The following UTP18 variants were observed in gnomAD, a reference collection of about 807,000 sequenced individuals.
UTP18 encodes the protein UTP18 small subunit processome component.
UTP18 carries 36 observed loss-of-function variants against 61.1 expected under a neutral mutation model. The observed-to-expected ratio is 0.59, with a 90% CI of 0.45 to 0.78. UTP18 has a LOEUF of 0.78. UTP18 is among the 30% of genes least tolerant of loss of function. UTP18 has a pLI of 0.00. For missense variants in UTP18, 753 were observed against 693.9 expected, an observed-to-expected ratio of 1.09 and a Z score of -0.96; for synonymous variants, 282 against 251.1, an observed-to-expected ratio of 1.12 and a Z score of -1.16.
At chr17:51,260,987 A>G (rs1048182450) in intron 1 of UTP18, 61 bp downstream of exon 1, 56 of 1,375,992 alleles carry the variant, frequency 4.1e-5, no homozygotes, top group Non-Finnish European at 4.6e-5. Context: ...GTGGGCGGTG[A>G]AGCTCCGGGG....
chr17:51,267,540 C>T (rs1404359774), intron 3 of UTP18, among the ~76,000 whole-genome samples: 2 of 149,386 alleles, frequency 1.3e-5, no homozygotes, highest in Admixed American at 6.7e-5. Flanking sequence ...TGCATTTCCT[C>T]TTCCCTCAAT....
intron 10 of UTP18, chr17:51,286,508 T>C (rs1905121020): frequency 2.2e-6 from 1 of 456,142 alleles, no homozygotes; most frequent in Non-Finnish European, 4.4e-6. Flanking sequence ...ACTGCTTGTA[T>C]ATATATCCCT....
At chr17:51,263,901 T>G (rs549147367) in intron 2 of UTP18, among the ~76,000 whole-genome samples, 2 of 152,286 alleles carry the variant, frequency 1.3e-5, no homozygotes, top group African/African-American at 4.8e-5. Flanking sequence ...TTTTTCTACA[T>G]AAAGTTACTT....
At chr17:51,281,825 TC>T (rs1418836445) in intron 9 of UTP18, among the ~76,000 whole-genome samples, 1 of 152,260 alleles carries the variant, frequency 6.6e-6, no homozygotes, top group Non-Finnish European at 1.5e-5. Flanking sequence ...GTCCTACCTT[TC>T]TTAAAAAGAT....
chr17:51,294,089 A>T, intron 12 of UTP18, 44 bp downstream of exon 12: 1 of 1,487,778 alleles, frequency 6.7e-7, no homozygotes, highest in Non-Finnish European at 8.9e-7. Context: ...CCTATAAACT[A>T]CTTCTGACAG....
Position 51,295,626 on chromosome 17 carries a change from G to A in UTP18, c.1647-1339G>A, listed in dbSNP as rs1239354134. 6.6e-5 allele frequency among the ~76,000 whole-genome samples: 10 copies of A among 152,156 alleles called. 1 individual carries two copies. Among genetic ancestry groups the A allele is most frequent in the Admixed American group, 5.9e-4 (9 of 15,266 alleles). On this transcript the variant is annotated intron_variant, in intron 12 of 13. Transcript: ENST00000225298. Reference sequence around the variant, plus strand: ...AGCCTTGTAGTATAGTTTGAAGTCAGGTAGCATGATGCCTCCAGCTTTGTT... The same window carrying A: ...AGCCTTGTAGTATAGTTTGAAGTCAAGTAGCATGATGCCTCCAGCTTTGTT...
intron 9 of UTP18, among the ~76,000 whole-genome samples, chr17:51,281,155 TATATATATA>T: frequency 1.0e-5 from 1 of 95,710 alleles, no homozygotes; most frequent in Admixed American, 1.0e-4. Context: ...TATATATATA[TATATATATA>T]TTTTTTTTAA....
In UTP18 at chr17:51,260,756, G is replaced by A. The variant is rs771527473; in HGVS notation, c.172G>A (p.Ala58Thr). Residue 58 changes from alanine to threonine, a missense_variant, in exon 1 of 14, where the codon GCC becomes ACC. Coordinates refer to ENST00000225298, the MANE Select transcript of UTP18 (RefSeq NM_016001.3). ...RKPPARPSAA[A>T]AAIAVAAAEE... ...ACCGCCGGCCCGGCCGAGCGCGGCG[G>A]CCGCTGCGATTGCAGTCGCGGCGGC... 2.5e-6 allele frequency: 4 copies of A among 1,582,010 alleles called. No homozygotes were observed. The South Asian group carries it at 3.4e-5, about 13-fold the overall frequency.
chr17:51,288,420 G>A, intron 11 of UTP18: 2 of 527,894 alleles, frequency 3.8e-6, no homozygotes, highest in South Asian at 3.7e-5. Flanking sequence ...AAGCTTTGCT[G>A]TCCATTCTCA....
chr17:51,264,745 C>T (rs547733292), intron 2 of UTP18, among the ~76,000 whole-genome samples: 5 of 150,498 alleles, frequency 3.3e-5, no homozygotes, highest in East Asian at 2.0e-4. Flanking sequence ...TTCAGTGGCG[C>T]GATCTTGGCT....
chr17:51,266,142 C>T, intron 2 of UTP18, 40 bp from the exon 3 acceptor site: 2 of 1,466,434 alleles, frequency 1.4e-6, no homozygotes, highest in Non-Finnish European at 1.8e-6. Flanking sequence ...TATATTAACT[C>T]TTTAAAAGTT....
intron 10 of UTP18, chr17:51,286,408 G>A (rs1905116513): frequency 4.5e-6 from 2 of 447,872 alleles, no homozygotes; most frequent in Admixed American, 4.8e-5. Flanking sequence ...ATCCTCCCTG[G>A]GATGGGAAGT....
intron 6 of UTP18, among the ~76,000 whole-genome samples, 159 bp from the exon 7 acceptor site, chr17:51,276,971 T>A (rs1199558783): frequency 6.6e-6 from 1 of 152,202 alleles, no homozygotes; most frequent in Non-Finnish European, 1.5e-5. Flanking sequence ...CCTCTTGACA[T>A]AGGCATGGTT....
At chr17:51,296,754 G>A (rs1372725625) in intron 12 of UTP18, 2 of 484,576 alleles carry the variant, frequency 4.1e-6, no homozygotes, top group East Asian at 3.5e-5. Context: ...GTGAAACTTT[G>A]GAGTAAGCCT....
At position 51,260,792 on chromosome 17, in the gene UTP18, A is replaced by C. The variant is rs2055436575; in HGVS notation, c.208A>C (p.Arg70=). Residue 70 remains arginine (R), a synonymous_variant, in exon 1 of 14, where the codon AGA becomes CGA. Coordinates refer to ENST00000225298, the MANE Select transcript of UTP18 (RefSeq NM_016001.3). The part of the protein sequence containing the change: ...AIAVAAAEEE[R]RLRQRNRLRL... ...TGCAGTCGCGGCGGCGGAGGAAGAG[A>C]GACGGCTCCGGCAGCGGAACCGCCT... is the stretch of plus-strand genomic sequence containing the variant. 1.3e-6 allele frequency: 2 copies of C among 1,579,848 alleles called. No individual in the cohort carries two copies. The highest frequency in any genetic ancestry group is 1.3e-5 in the African/African-American group (1 of 74,112).
chr17:51,269,014 C>G, intron 4 of UTP18, 110 bp downstream of exon 4: 2 of 1,063,408 alleles, frequency 1.9e-6, no homozygotes, highest in African/African-American at 1.6e-5. Context: ...TTGCCTGGCT[C>G]GGTAGCTCAC....
Position 51,285,313 on chromosome 17 carries a change from A to G in UTP18, c.1273A>G (p.Ser425Gly). Residue 425 changes from serine (S) to glycine (G), a missense_variant, in exon 10 of 14, where the codon AGT becomes GGT. By Grantham distance (56) the Ser-to-Gly change is moderately conservative (BLOSUM62 0). Transcript: ENST00000225298. ...KCLNRFVDEG[S>G]LYGLSIATSR... is the part of the protein sequence containing the mutation. Reference sequence around the variant, plus strand: ...CCTTAACAGATTTGTTGATGAAGGCAGTTTATATGGATTAAGCATTGCCAC... The same window carrying G: ...CCTTAACAGATTTGTTGATGAAGGCGGTTTATATGGATTAAGCATTGCCAC... 2 of 1,614,048 alleles carry G rather than the reference A, an allele frequency of 1.2e-6. No homozygotes were observed. Among genetic ancestry groups the G allele is most frequent in the South Asian group, 2.2e-5 (2 of 91,078 alleles).
At chr17:51,276,127 C>A in intron 6 of UTP18, 136 bp downstream of exon 6, 2 of 870,418 alleles carry the variant, frequency 2.3e-6, no homozygotes, top group South Asian at 2.0e-5. Context: ...ATAGCTAAGT[C>A]TCACAGAAGT....
At chr17:51,294,888 C>T (rs903002970) in intron 12 of UTP18, among the ~76,000 whole-genome samples, 18 of 152,186 alleles carry the variant, frequency 1.2e-4, no homozygotes, top group African/African-American at 2.9e-4. Flanking sequence ...TTTTAATGAT[C>T]GCCATTCTAA....
Sources: gnomAD v4.1 joint callset for allele counts (sites outside exome capture counted in the v4.1 genomes callset) on GRCh38, gnomAD v4.1.1 for gene constraint, MANE v1.5 for transcripts, NCBI Gene and HGNC (gene_info 2026-07-23, HGNC 2026-07-21) for gene names.